The following FOXP2 variants were observed in gnomAD, a reference collection of about 807,000 sequenced individuals.
FOXP2 encodes the protein forkhead box protein P2.
Under a neutral mutation model 115.8 loss-of-function variants are expected in FOXP2, and 12 were observed. The observed-to-expected ratio is 0.10, with a 90% CI of 0.07 to 0.17. The LOEUF is 0.17. FOXP2 is among the 10% of genes least tolerant of loss of function. The pLI is 1.00. For missense variants in FOXP2, 629 were observed against 843.5 expected (o/e 0.75, Z 3.15); for synonymous variants, 328 against 297.7 (o/e 1.10, Z -1.05).
intron 2 of FOXP2, among the ~76,000 whole-genome samples, chr7:114,430,805 A>G (rs1024845313): frequency 6.6e-6 from 1 of 151,824 alleles, no homozygotes; most frequent in East Asian, 1.9e-4. Context: ...TCTCACATAA[A>G]CTTATACTCG....
At chr7:114,219,571 C>A (rs1259108370) in intron 1 of FOXP2, among the ~76,000 whole-genome samples, 2 of 152,076 alleles carry the variant, frequency 1.3e-5, no homozygotes, top group African/African-American at 4.8e-5. Context: ...AGTTTTGAGT[C>A]ACTTTATTTT....
At chr7:114,527,195 A>G (rs1034594307) in intron 2 of FOXP2, among the ~76,000 whole-genome samples, 28 of 152,066 alleles carry the variant, frequency 1.8e-4, no homozygotes, top group African/African-American at 6.5e-4. Flanking sequence ...TATTTTATCT[A>G]TTCATGAGTT....
At chr7:114,230,139 A>G (rs1794837965) in intron 1 of FOXP2, among the ~76,000 whole-genome samples, 1 of 151,828 alleles carries the variant, frequency 6.6e-6, no homozygotes. Context: ...GAAATAAATA[A>G]ATTTCTGGAA....
chr7:114,229,421 A>C (rs2129165511), intron 1 of FOXP2, among the ~76,000 whole-genome samples: 1 of 151,760 alleles, frequency 6.6e-6, no homozygotes, highest in African/African-American at 2.4e-5. Flanking sequence ...AAAGACAAAC[A>C]TTCCATCCAA....
intron 3 of FOXP2, among the ~76,000 whole-genome samples, chr7:114,584,603 C>T (rs1195069908): frequency 2.0e-5 from 3 of 152,036 alleles, no homozygotes; most frequent in Admixed American, 1.3e-4. Context: ...TAAAATCTAC[C>T]CTCTTTCTGT....
At chr7:114,561,184 A>T (rs1027063490) in intron 3 of FOXP2, 7 of 152,238 alleles carry the variant, frequency 4.6e-5, no homozygotes, top group African/African-American at 1.7e-4. Flanking sequence ...CCAAAGAAAA[A>T]AATGGTGCTA....
At chr7:114,635,508 G>A (rs1311389087) in intron 6 of FOXP2, among the ~76,000 whole-genome samples, 1 of 152,040 alleles carries the variant, frequency 6.6e-6, no homozygotes, top group African/African-American at 2.4e-5. Context: ...ATTTATTATT[G>A]CAGGTATAAA....
chr7:114,656,182 TAC>T (rs1196479599), intron 10 of FOXP2, among the ~76,000 whole-genome samples: 3 of 152,184 alleles, frequency 2.0e-5, no homozygotes, highest in Admixed American at 6.6e-5. Flanking sequence ...TGGTAAAATG[TAC>T]AGAGTCCTGT....
chr7:114,615,004 A>G (rs935460949), intron 3 of FOXP2, among the ~76,000 whole-genome samples: 1 of 152,114 alleles, frequency 6.6e-6, no homozygotes, highest in Non-Finnish European at 1.5e-5. Context: ...GCGGATCACA[A>G]GGTCAGGAGT....
intron 1 of FOXP2, among the ~76,000 whole-genome samples, chr7:114,189,272 T>G (rs932014671): frequency 1.3e-5 from 2 of 152,216 alleles, no homozygotes; most frequent in African/African-American, 4.8e-5. Flanking sequence ...AAATTTATGA[T>G]GTGTATAGAA....
intron 16 of FOXP2, among the ~76,000 whole-genome samples, chr7:114,672,306 CG>C (rs1484910607): frequency 2.6e-5 from 4 of 152,098 alleles, no homozygotes; most frequent in African/African-American, 4.8e-5. Context: ...TATTGTTGGC[CG>C]GGTGCAATGG....
chr7:114,292,970 AC>A (rs1223619630), intron 2 of FOXP2, among the ~76,000 whole-genome samples: 3 of 152,208 alleles, frequency 2.0e-5, no homozygotes, highest in African/African-American at 7.2e-5. Flanking sequence ...TGAAATATAT[AC>A]CTCGAATAAC....
intron 1 of FOXP2, among the ~76,000 whole-genome samples, chr7:114,151,758 CT>C (rs1450038904): frequency 6.6e-6 from 1 of 152,084 alleles, no homozygotes; most frequent in Non-Finnish European, 1.5e-5. Flanking sequence ...ATTGTAACAT[CT>C]TTTGACAAGC....
intron 1 of FOXP2, among the ~76,000 whole-genome samples, chr7:114,247,235 A>G (rs1013237377): frequency 6.6e-6 from 1 of 152,160 alleles, no homozygotes; most frequent in Non-Finnish European, 1.5e-5. Flanking sequence ...TTATCTATGA[A>G]TATATTCCAG....
intron 3 of FOXP2, among the ~76,000 whole-genome samples, chr7:114,582,666 A>T (rs1801928840): frequency 6.6e-6 from 1 of 152,196 alleles, no homozygotes; most frequent in South Asian, 2.1e-4. Flanking sequence ...AAACATTTAG[A>T]TAATATTAAG....
chr7:114,124,155 TG>T (rs1279547756), intron 1 of FOXP2, among the ~76,000 whole-genome samples: 1 of 152,094 alleles, frequency 6.6e-6, no homozygotes, highest in African/African-American at 2.4e-5. Flanking sequence ...GGAGATATAT[TG>T]TTTGGCCCTA....
chr7:114,496,911 T>A (rs1161921609), intron 2 of FOXP2, among the ~76,000 whole-genome samples: 2 of 152,190 alleles, frequency 1.3e-5, no homozygotes, highest in African/African-American at 4.8e-5. Context: ...TCCAGCTCAG[T>A]GGACTTACTA....
chr7:114,278,837 A>C (rs1796256668), intron 1 of FOXP2, among the ~76,000 whole-genome samples: 1 of 152,172 alleles, frequency 6.6e-6, no homozygotes, highest in African/African-American at 2.4e-5. Flanking sequence ...TACTTTGCTG[A>C]AGTTAAACTG....
intron 3 of FOXP2, among the ~76,000 whole-genome samples, chr7:114,569,530 C>G (rs1411596881): frequency 6.6e-6 from 1 of 151,920 alleles, no homozygotes; most frequent in East Asian, 1.9e-4. Flanking sequence ...CCCTGTGTAT[C>G]TAATTATGCA....
Sources: gnomAD v4.1 joint callset for allele counts (sites outside exome capture counted in the v4.1 genomes callset) on GRCh38, gnomAD v4.1.1 for gene constraint, MANE v1.5 for transcripts, NCBI Gene and HGNC (gene_info 2026-07-23, HGNC 2026-07-21) for gene names.